Variants in SYN2 observed in about 807,000 individuals in gnomAD.
The protein encoded by SYN2 is synapsin II.
In SYN2, 19 loss-of-function variants were observed where a neutral mutation model predicts 50.9. That is an observed-to-expected ratio of 0.37 (90% CI 0.26 to 0.55). The LOEUF (loss-of-function observed/expected upper bound fraction) is 0.55. SYN2 is among the 20% of genes least tolerant of loss of function. The pLI is 0.81. For missense variants in SYN2, 587 were observed against 576.4 expected, an observed-to-expected ratio of 1.02 and a Z score of -0.19; for synonymous variants, 255 against 224.9, an observed-to-expected ratio of 1.13 and a Z score of -1.20.
intron 3 of SYN2, among the ~76,000 whole-genome samples, chr3:12,143,307 G>T (rs2125218050): frequency 6.6e-6 from 1 of 152,256 alleles, no homozygotes; most frequent in East Asian, 1.9e-4. Context: ...AATAGATTGA[G>T]GGGATTCATG....
chr3:12,151,231 T>C lies in SYN2; in HGVS notation c.685-6T>C, dbSNP rs772280446. Reference sequence around the variant, plus strand: ...ATAAGCTGTAACATTTGCTTTTCTTTTGCAGTTTGCCCAGCTGGTCGCTAT... The same window carrying C: ...ATAAGCTGTAACATTTGCTTTTCTTCTGCAGTTTGCCCAGCTGGTCGCTAT... On this transcript the variant is annotated splice_polypyrimidine_tract_variant and splice_region_variant and intron_variant, in intron 4 of 12. Transcript: ENST00000621198. The C allele has an allele frequency of 5.6e-6, 9 of 1,608,722 alleles. No individual in the cohort carries two copies. The South Asian group carries it at 7.8e-5, about 14-fold the overall frequency.
intron 1 of SYN2, among the ~76,000 whole-genome samples, chr3:12,098,824 C>T (rs1696002544): frequency 2.8e-5 from 4 of 142,256 alleles, no homozygotes; most frequent in African/African-American, 1.1e-4. Flanking sequence ...ACATTAAAGT[C>T]ATTAAAGTCA....
chr3:12,071,423 C>A (rs1695352850), intron 1 of SYN2: 2 of 529,372 alleles, frequency 3.8e-6, no homozygotes, highest in Non-Finnish European at 7.7e-6. Flanking sequence ...GTATAAATTG[C>A]CCCTGGCAAA....
intron 6 of SYN2, 126 bp downstream of exon 6, chr3:12,161,734 C>A: frequency 1.6e-6 from 2 of 1,226,326 alleles, no homozygotes; most frequent in Non-Finnish European, 2.3e-6. Context: ...AGATGATTTG[C>A]CACCTCTAAA....
chr3:12,133,110 C>T (rs1395783548), intron 1 of SYN2, among the ~76,000 whole-genome samples: 2 of 152,236 alleles, frequency 1.3e-5, no homozygotes, highest in Non-Finnish European at 2.9e-5. Context: ...CATGCACTCT[C>T]TTCCACATCA....
At chr3:12,167,442 G>A (rs1244116102) in intron 8 of SYN2, 134 bp downstream of exon 8, 2 of 833,754 alleles carry the variant, frequency 2.4e-6, no homozygotes, top group Non-Finnish European at 3.8e-6. Flanking sequence ...AAAGGCCCAA[G>A]TAGCCCATTT....
rs938602845 is a variant in SYN2, at chr3:12,190,757, C to T, written c.*132C>T. 33 of 1,446,542 alleles carry T rather than the reference C, an allele frequency of 2.3e-5. No individual in the cohort carries two copies. In the African/African-American group the frequency reaches 4.0e-4, roughly 18 times the overall value. The allele number at this position is 1,446,542 out of a possible 1,614,324, so 89.6% of individuals were successfully genotyped here. ...TGGTCCCTTCCTCTGCTCTGTTGTA[C>T]TAAGTGATGTTGTGCAGCCCAGAAA... On this transcript the variant is annotated 3_prime_UTR_variant, in exon 13 of 13. Coordinates refer to ENST00000621198, the MANE Select transcript of SYN2 (RefSeq NM_133625.6).
intron 1 of SYN2, among the ~76,000 whole-genome samples, chr3:12,090,755 T>C (rs1033745684): frequency 6.6e-6 from 1 of 152,182 alleles, no homozygotes; most frequent in Non-Finnish European, 1.5e-5. Context: ...CGTGATGCTT[T>C]ATCTGATTGT....
At chr3:12,138,489 A>C (rs1265671954) in intron 1 of SYN2, among the ~76,000 whole-genome samples, 3 of 152,228 alleles carry the variant, frequency 2.0e-5, no homozygotes, top group Non-Finnish European at 4.4e-5. Flanking sequence ...GTGAATTAAG[A>C]AACTTGGCAG....
In SYN2 at chr3:12,184,497, C is replaced by A. The variant is rs61137465; in HGVS notation, c.1369+1125C>A. 1.6e-3 allele frequency: 1,625 copies of A among 985,872 alleles called. 18 individuals carry two copies. In the African/African-American group the frequency reaches 0.026, roughly 16 times the overall value. 61.1% of individuals were successfully genotyped at this position (985,872 alleles called of 1,614,324 possible). ...GAGGCCTCATAATGGGAGACCAAAT[C>A]AAAAATGTCCCATGTCACTTGAGTG... On this transcript the variant is annotated intron_variant, in intron 11 of 12. Transcript: ENST00000621198.
intron 5 of SYN2, chr3:12,154,535 T>A (rs755203716): frequency 2.0e-6 from 3 of 1,519,476 alleles, no homozygotes; most frequent in Non-Finnish European, 2.7e-6. Context: ...AAGCCCAGAA[T>A]TGCAGCCTCC....
chr3:12,009,613 A>C (rs1170033371), intron 1 of SYN2, among the ~76,000 whole-genome samples: 3 of 152,142 alleles, frequency 2.0e-5, no homozygotes. Flanking sequence ...GCTCTTTGAG[A>C]TTTCTCAAAT....
intron 5 of SYN2, among the ~76,000 whole-genome samples, chr3:12,161,115 G>C (rs1052960396): frequency 1.3e-5 from 2 of 151,972 alleles, no homozygotes; most frequent in African/African-American, 4.8e-5. Context: ...GTACCAAGAG[G>C]GTACATGCTG....
At chr3:12,138,157 C>T (rs1696940563) in intron 1 of SYN2, among the ~76,000 whole-genome samples, 1 of 152,224 alleles carries the variant, frequency 6.6e-6, no homozygotes, top group African/African-American at 2.4e-5. Context: ...GAGCCTGGAG[C>T]TGCAAGAATG....
At chr3:12,082,598 T>C (rs1695605172) in intron 1 of SYN2, among the ~76,000 whole-genome samples, 1 of 152,236 alleles carries the variant, frequency 6.6e-6, no homozygotes, top group East Asian at 1.9e-4. Flanking sequence ...AAGAAGTAAG[T>C]ATTACCTTTT....
intron 1 of SYN2, among the ~76,000 whole-genome samples, chr3:12,068,744 G>A (rs1037105475): frequency 1.3e-5 from 2 of 151,716 alleles, no homozygotes; most frequent in South Asian, 2.1e-4. Flanking sequence ...TTCCTAATGA[G>A]TTCTCTTCCT....
At position 12,151,293 on chromosome 3, in the gene SYN2, T is replaced by C. The variant is rs1222519994; in HGVS notation, c.741T>C (p.Ile247=). Residue 247 remains isoleucine (I), a synonymous_variant, in exon 5 of 13, where the codon ATT becomes ATC. Coordinates refer to ENST00000621198, the MANE Select transcript of SYN2 (RefSeq NM_133625.6). The part of the protein sequence containing the change: ...KTLGGEKFPL[I]EQTYYPNHKE... ...TGGGAGGAGAAAAGTTCCCTCTCAT[T>C]GAACAGACATACTACCCCAACCACA... The C allele has an allele frequency of 3.1e-6, 5 of 1,613,432 alleles. No homozygotes were observed. In the African/African-American group the frequency reaches 5.3e-5, roughly 17 times the overall value.
rs774833312 is a variant in SYN2, at chr3:12,189,468, C to T, written c.1614-1022C>T. Among the ~76,000 whole-genome samples the T allele has an allele frequency of 2.6e-5, 4 of 152,272 alleles. No homozygotes were observed. In the East Asian group the frequency reaches 7.7e-4, roughly 29 times the overall value. ...CTGAACCCCATAGACCTCATATTAG[C>T]GCTCTTCTGAGGAGGGTTACAAGGG... On this transcript the variant is annotated intron_variant, in intron 12 of 12. Transcript: ENST00000621198.
At chr3:12,086,600 A>ATT (rs1695706621) in intron 1 of SYN2, among the ~76,000 whole-genome samples, 1 of 152,196 alleles carries the variant, frequency 6.6e-6, no homozygotes, top group African/African-American at 2.4e-5. Context: ...ATATTAACAA[A>ATT]ATGAGGGACA....
Sources: gnomAD v4.1 joint callset for allele counts (sites outside exome capture counted in the v4.1 genomes callset) on GRCh38, gnomAD v4.1.1 for gene constraint, MANE v1.5 for transcripts, NCBI Gene and HGNC (gene_info 2026-07-23, HGNC 2026-07-21) for gene names.